KCNK10: variants seen among roughly 807,000 people sequenced by gnomAD.
The protein encoded by KCNK10 is potassium channel subfamily K member 10.
Under a neutral mutation model 47.7 loss-of-function variants are expected in KCNK10, and 25 were observed. The observed-to-expected ratio is 0.52, with a 90% CI of 0.38 to 0.73. The LOEUF is 0.73. Among genes scored for constraint, KCNK10 ranks in the 30% least tolerant of loss-of-function variants. KCNK10 has a pLI of 0.00. For synonymous variants in KCNK10, 303 were observed against 285.6 expected (o/e 1.06, Z -0.61); for missense variants, 563 against 714.5 (o/e 0.79, Z 2.42).
intron 2 of KCNK10, among the ~76,000 whole-genome samples, chr14:88,254,186 G>A (rs1886881779): frequency 6.6e-6 from 1 of 152,164 alleles, no homozygotes; most frequent in South Asian, 2.1e-4. Context: ...GGCAAGGACT[G>A]AAGTGAGCCA....
chr14:88,326,791 A>G, upstream of KCNK10: 1 of 301,120 alleles, frequency 3.3e-6, no homozygotes. Context: ...AGGCTGGGAA[A>G]GCCCGAAAAC....
In KCNK10 at chr14:88,183,245, C is replaced by A. The variant is rs1440118308; in HGVS notation, c.*2290G>T. The A allele has an allele frequency of 3.3e-5, 5 of 152,222 alleles. No individual in the cohort carries two copies. The highest frequency in any genetic ancestry group is 2.6e-4 in the Admixed American group (4 of 15,288). 9.4% of individuals were successfully genotyped at this position (152,222 alleles called of 1,614,324 possible). On this transcript the variant is annotated 3_prime_UTR_variant, in exon 7 of 7. Coordinates refer to ENST00000319231, the MANE Select transcript of KCNK10 (RefSeq NM_138317.3). ...TTTGCAAATACTTCCCACATAGTGT[C>A]GTGAAGTTTCAATGAGCTGACGTTC...
intron 4 of KCNK10, among the ~76,000 whole-genome samples, chr14:88,226,065 T>C (rs1193004738): frequency 6.6e-6 from 1 of 152,246 alleles, no homozygotes; most frequent in Non-Finnish European, 1.5e-5. Flanking sequence ...GGGCTTCTCT[T>C]GGAGAGAAAC....
At chr14:88,224,741 C>A (rs1311642113) in intron 4 of KCNK10, among the ~76,000 whole-genome samples, 1 of 152,190 alleles carries the variant, frequency 6.6e-6, no homozygotes, top group Non-Finnish European at 1.5e-5. Context: ...TCCCAAGTAG[C>A]TGGGATTACA....
intron 2 of KCNK10, among the ~76,000 whole-genome samples, chr14:88,242,022 G>A (rs948647530): frequency 2.0e-5 from 3 of 152,202 alleles, no homozygotes; most frequent in African/African-American, 7.2e-5. Flanking sequence ...TGGAAGCCTT[G>A]GAGAGGAGGT....
chr14:88,195,017 C>G (rs1325072765), intron 4 of KCNK10, among the ~76,000 whole-genome samples: 2 of 116,248 alleles, frequency 1.7e-5, no homozygotes, highest in Non-Finnish European at 3.5e-5. Flanking sequence ...TTGCTGCCCT[C>G]TAGGTATTTA....
chr14:88,276,395 C>T (rs1013290495), intron 1 of KCNK10, among the ~76,000 whole-genome samples: 1 of 152,018 alleles, frequency 6.6e-6, no homozygotes, highest in Non-Finnish European at 1.5e-5. Flanking sequence ...GCCTCCAGAA[C>T]CATGAGAAAT....
At chr14:88,192,058 A>G (rs1884764737) in intron 5 of KCNK10, among the ~76,000 whole-genome samples, 166 bp downstream of exon 5, 3 of 152,244 alleles carry the variant, frequency 2.0e-5, no homozygotes, top group Admixed American at 2.0e-4. Context: ...TGGTATTTAT[A>G]TTACATAGGA....
intron 2 of KCNK10, among the ~76,000 whole-genome samples, chr14:88,251,232 CAAA>C (rs1160023262): frequency 1.4e-5 from 1 of 70,200 alleles, no homozygotes; most frequent in Non-Finnish European, 2.6e-5. Context: ...GACTCTGTCT[CAAA>C]AAAAAAAAAA....
chr14:88,191,804 G>C (rs1172210247), intron 5 of KCNK10, among the ~76,000 whole-genome samples: 2 of 152,184 alleles, frequency 1.3e-5, no homozygotes, highest in African/African-American at 2.4e-5. Flanking sequence ...TCTCACCTGG[G>C]AGTCAGGAAG....
At chr14:88,234,699 G>A (rs1222693496) in intron 3 of KCNK10, among the ~76,000 whole-genome samples, 1 of 152,226 alleles carries the variant, frequency 6.6e-6, no homozygotes, top group Non-Finnish European at 1.5e-5. Context: ...CCTCATTGCT[G>A]TGGACCAGTG....
At chr14:88,242,482 A>G (rs890184710) in intron 2 of KCNK10, among the ~76,000 whole-genome samples, 1 of 152,204 alleles carries the variant, frequency 6.6e-6, no homozygotes, top group Non-Finnish European at 1.5e-5. Context: ...TGGATGATAC[A>G]GGGGAAAAAA....
At chr14:88,240,937 T>C in intron 2 of KCNK10, 117 bp from the exon 3 acceptor site, 1 of 605,156 alleles carries the variant, frequency 1.7e-6, no homozygotes, top group South Asian at 2.0e-5. Context: ...TGCAGTGATC[T>C]AGAGAGAACT....
At chr14:88,217,371 C>G (rs1885656253) in intron 4 of KCNK10, among the ~76,000 whole-genome samples, 1 of 152,098 alleles carries the variant, frequency 6.6e-6, no homozygotes, top group Admixed American at 6.5e-5. Flanking sequence ...CACAGCCTAC[C>G]ACTCTGCCCT....
rs999273136 is a variant in KCNK10, at chr14:88,185,326, T to C, written c.*209A>G. ...GTGCACGGACACTCTTGGTGTGTCC[T>C]GCGTTTGCTATCTGAAATGAAGTTC... On this transcript the variant is annotated 3_prime_UTR_variant, in exon 7 of 7. Coordinates refer to ENST00000319231, the MANE Select transcript of KCNK10 (RefSeq NM_138317.3). The surrounding 1 kb of genome is among the most constrained non-coding windows in gnomAD (Gnocchi z 4.3). The C allele has an allele frequency of 1.5e-6, 1 of 688,134 alleles. No homozygotes were observed. Among genetic ancestry groups the C allele is most frequent in the Non-Finnish European group, 2.3e-6 (1 of 430,014 alleles). 42.6% of individuals were successfully genotyped at this position (688,134 alleles called of 1,614,324 possible).
chr14:88,244,117 C>T (rs1232682366), intron 2 of KCNK10, among the ~76,000 whole-genome samples: 1 of 152,082 alleles, frequency 6.6e-6, no homozygotes, highest in Non-Finnish European at 1.5e-5. Context: ...AGCCCCAATG[C>T]TGAGAATGAG....
chr14:88,320,982 T>C (rs1212995563), intron 1 of KCNK10, among the ~76,000 whole-genome samples: 1 of 152,194 alleles, frequency 6.6e-6, no homozygotes, highest in African/African-American at 2.4e-5. Flanking sequence ...TAGGGATAAA[T>C]ACATTTTTCA....
chr14:88,208,983 C>A (rs970171997), intron 4 of KCNK10, among the ~76,000 whole-genome samples: 6 of 152,110 alleles, frequency 3.9e-5, no homozygotes, highest in Non-Finnish European at 7.3e-5. Flanking sequence ...AGAAAGACTG[C>A]AGATGTTGTT....
intron 2 of KCNK10, among the ~76,000 whole-genome samples, chr14:88,248,993 G>A (rs1319831639): frequency 6.6e-6 from 1 of 152,174 alleles, no homozygotes; most frequent in Non-Finnish European, 1.5e-5. Context: ...TCAGAGCTGA[G>A]ACTGGTTAAA....
Sources: gnomAD v4.1 joint callset for allele counts (sites outside exome capture counted in the v4.1 genomes callset) on GRCh38, gnomAD v4.1.1 for gene constraint, Gnocchi (gnomAD v3.1) non-coding constraint, MANE v1.5 for transcripts, NCBI Gene and HGNC (gene_info 2026-07-23, HGNC 2026-07-21) for gene names.